SORL1: variants seen among roughly 807,000 people sequenced by gnomAD.
The protein encoded by SORL1 is sortilin related receptor 1.
Under a neutral mutation model 273.7 loss-of-function variants are expected in SORL1, and 127 were observed. The observed-to-expected ratio is 0.46, with a 90% confidence interval of 0.40 to 0.54. The LOEUF is 0.54. Among genes scored for constraint, SORL1 ranks in the 20% least tolerant of loss-of-function variants. SORL1 has a pLI of 0.00. For missense variants in SORL1, 2,494 were observed against 2,846.1 expected, an observed-to-expected ratio of 0.88 and a Z score of 2.81; for synonymous variants, 1,031 against 1,067.4, an observed-to-expected ratio of 0.97 and a Z score of 0.66.
intron 1 of SORL1, among the ~76,000 whole-genome samples, chr11:121,453,657 A>G (rs1860851412): frequency 6.6e-6 from 1 of 152,240 alleles, no homozygotes; most frequent in Non-Finnish European, 1.5e-5. Flanking sequence ...ATTTCACTTT[A>G]GCCATTTCTT....
intron 12 of SORL1, among the ~76,000 whole-genome samples, chr11:121,534,128 T>C (rs999481139): frequency 2.0e-5 from 3 of 152,240 alleles, no homozygotes; most frequent in Non-Finnish European, 4.4e-5. Context: ...TAGTGTTTGG[T>C]ATACTGCTAT....
chr11:121,491,369 T>G (rs1861550390), intron 5 of SORL1, among the ~76,000 whole-genome samples: 1 of 152,194 alleles, frequency 6.6e-6, no homozygotes, highest in East Asian at 1.9e-4. Flanking sequence ...GATAAAGTAG[T>G]ATAGGATCTT....
chr11:121,474,768 G>A (rs769525315), intron 2 of SORL1, among the ~76,000 whole-genome samples: 55 of 152,210 alleles, frequency 3.6e-4, no homozygotes, highest in Non-Finnish European at 7.3e-4. Context: ...CAGCAGCATG[G>A]TGCTGCCATG....
chr11:121,605,218 G>A lies in SORL1; in HGVS notation c.4757G>A (p.Cys1586Tyr). Reference protein sequence around the residue: ...MRPKKMPSASCVYNVYYRVVG... With the variant: ...MRPKKMPSASYVYNVYYRVVG... ...CCCAAAAAAATGCCCTCTGCTTCTTGTGTATATAATGTCTACTACAGGTAG... is the reference window on the plus strand; with the variant it reads ...CCCAAAAAAATGCCCTCTGCTTCTTATGTATATAATGTCTACTACAGGTAG... Residue 1586 changes from cysteine to tyrosine, a missense_variant, in exon 34 of 48, where the codon TGT (cysteine) becomes TAT (tyrosine). Transcript: ENST00000260197. 6.2e-7 allele frequency: 1 copy of A among 1,613,334 alleles called. No homozygotes were observed. The highest frequency in any genetic ancestry group is 8.5e-7 in the Non-Finnish European group (1 of 1,179,726).
At chr11:121,483,103 T>A (rs1387195853) in intron 3 of SORL1, among the ~76,000 whole-genome samples, 2 of 152,214 alleles carry the variant, frequency 1.3e-5, no homozygotes, top group Admixed American at 6.5e-5. Context: ...TAATAATTTT[T>A]AAAAAATAGA....
chr11:121,607,405 A>G, intron 37 of SORL1, 115 bp downstream of exon 37: 2 of 558,780 alleles, frequency 3.6e-6, no homozygotes, highest in Non-Finnish European at 6.5e-6. Flanking sequence ...GTAATCTGCA[A>G]AATACCCAAC....
At chr11:121,509,409 T>C (rs903361944) in intron 6 of SORL1, among the ~76,000 whole-genome samples, 8 of 152,196 alleles carry the variant, frequency 5.3e-5, no homozygotes, top group Non-Finnish European at 1.2e-4. Flanking sequence ...TTCTTTTTGC[T>C]CTTGACACAA....
chr11:121,633,119 A>G lies in SORL1; in HGVS notation c.*3556A>G, dbSNP rs183106460. 3.4e-4 allele frequency: 52 copies of G among 152,356 alleles called. No individual in the cohort carries two copies. The East Asian group carries it at 9.6e-3, about 28-fold the overall frequency. 9.4% of individuals were successfully genotyped at this position (152,356 alleles called of 1,614,324 possible). A position where few individuals can be genotyped will look rare whatever the true frequency, so the allele number is the denominator to read the frequency against. ...GTTTATATAGACTACTTTCTATGCA[A>G]GACTGAGATATGGAATAGATAGGAA... On this transcript the variant is annotated 3_prime_UTR_variant, in exon 48 of 48. Transcript: ENST00000260197.
chr11:121,580,679 A>T (rs1160266838), intron 25 of SORL1, among the ~76,000 whole-genome samples: 2 of 142,504 alleles, frequency 1.4e-5, no homozygotes, highest in African/African-American at 5.3e-5. Flanking sequence ...ATGACAGCTC[A>T]CTGTAGCCTT....
chr11:121,525,314 C>T (rs1862105230), intron 11 of SORL1, among the ~76,000 whole-genome samples: 1 of 152,172 alleles, frequency 6.6e-6, no homozygotes. Context: ...CATTCCTTTG[C>T]TAGTTGTATC....
intron 32 of SORL1, among the ~76,000 whole-genome samples, chr11:121,603,855 C>A (rs1397342444): frequency 1.3e-5 from 2 of 152,222 alleles, no homozygotes. Context: ...TAGATCCTTG[C>A]AGACATGATA....
At chr11:121,566,677 A>G (rs1591330211) in intron 21 of SORL1, 3 of 389,312 alleles carry the variant, frequency 7.7e-6, no homozygotes, top group East Asian at 9.0e-5. Flanking sequence ...CAGTGACCCA[A>G]TTACAAATTC....
chr11:121,546,489 A>G (rs1476320335), intron 14 of SORL1, among the ~76,000 whole-genome samples: 2 of 152,208 alleles, frequency 1.3e-5, no homozygotes, highest in Non-Finnish European at 2.9e-5. Flanking sequence ...CAAGAGAGCC[A>G]TGGGTATTTA....
At chr11:121,537,453 T>C (rs1862282232) in intron 12 of SORL1, among the ~76,000 whole-genome samples, 1 of 152,028 alleles carries the variant, frequency 6.6e-6, no homozygotes, top group Non-Finnish European at 1.5e-5. Context: ...GGAGAAGTGA[T>C]TATACCGCTC....
At chr11:121,618,713 C>T in intron 41 of SORL1, 61 bp from the exon 42 acceptor site, 1 of 1,604,576 alleles carries the variant, frequency 6.2e-7, no homozygotes, top group Admixed American at 1.7e-5. Context: ...TTGGGGATTT[C>T]AAGGAAATGA....
At chr11:121,559,450 C>G (rs1057494226) in intron 20 of SORL1, 69 bp from the exon 21 acceptor site, 8 of 1,518,854 alleles carry the variant, frequency 5.3e-6, no homozygotes, top group Admixed American at 4.1e-5. Flanking sequence ...TGGGGGAACT[C>G]TTACCCTTAG....
intron 1 of SORL1, among the ~76,000 whole-genome samples, chr11:121,455,730 C>T (rs1860891154): frequency 6.6e-6 from 1 of 152,346 alleles, no homozygotes; most frequent in Admixed American, 6.5e-5. Flanking sequence ...TCAAGGCTCA[C>T]GCCTGTAATC....
At position 121,495,229 on chromosome 11, in the gene SORL1, G is replaced by A. The variant is rs140075744; in HGVS notation, c.759-1640G>A. Reference sequence around the variant, plus strand: ...TGAGTAGCTGGGGCTACAGGTGTACGCCAGCATACCTGGCTAATTTTTTTA... The same window carrying A: ...TGAGTAGCTGGGGCTACAGGTGTACACCAGCATACCTGGCTAATTTTTTTA... On this transcript the variant is annotated intron_variant, in intron 5 of 47. Transcript: ENST00000260197. Among the ~76,000 whole-genome samples, 12 of 152,214 alleles carry A rather than the reference G, an allele frequency of 7.9e-5. No homozygotes were observed. In the East Asian group the frequency reaches 1.5e-3, roughly 20 times the overall value.
At chr11:121,610,669 A>G (rs1863549515) in intron 38 of SORL1, 1 of 159,008 alleles carries the variant, frequency 6.3e-6, no homozygotes, top group Non-Finnish European at 1.4e-5. Context: ...CACGTTTACC[A>G]TTTACGATTT....
Sources: gnomAD v4.1 joint callset for allele counts (sites outside exome capture counted in the v4.1 genomes callset) on GRCh38, gnomAD v4.1.1 for gene constraint, MANE v1.5 for transcripts, NCBI Gene and HGNC (gene_info 2026-07-23, HGNC 2026-07-21) for gene names.